Variants in SND1 observed in about 807,000 individuals in gnomAD.
SND1 encodes staphylococcal nuclease and tudor domain containing 1, also known as staphylococcal nuclease domain-containing protein 1.
In SND1, 38 loss-of-function variants were observed where a neutral mutation model predicts 121.7. The ratio of observed to expected loss-of-function variants is 0.31; its 90% CI spans 0.24 to 0.41. The LOEUF is 0.41. Ranked by LOEUF, SND1 falls within the 10% of genes least tolerant of loss-of-function variation. The pLI, the probability that SND1 is intolerant of heterozygous loss-of-function variation, is 1.00. For synonymous variants in SND1, 401 were observed against 447.4 expected, an observed-to-expected ratio of 0.90 and a Z score of 1.31; for missense variants, 868 against 1,184.6, an observed-to-expected ratio of 0.73 and a Z score of 3.92.
chr7:127,907,037 T>A (rs1346713391), intron 14 of SND1, among the ~76,000 whole-genome samples: 1 of 152,216 alleles, frequency 6.6e-6, no homozygotes, highest in Admixed American at 6.5e-5. Flanking sequence ...TAAACATAAA[T>A]GCCAATTAAA....
rs1203172286 is a variant in SND1, at chr7:127,757,249, C to G, written c.1152+35849C>G. ...GTAATGTCTGTGAGATTTATCTTTG[C>G]TGTTATTTATATCACTAGTGGTTCT... On this transcript the variant is annotated intron_variant, in intron 10 of 23. Transcript: ENST00000354725. Among the ~76,000 whole-genome samples, 4 of 152,234 alleles carry G rather than the reference C, an allele frequency of 2.6e-5. No homozygotes were observed. The East Asian group carries it at 7.7e-4, about 29-fold the overall frequency.
chr7:127,895,907 T>G (rs1186607477), intron 13 of SND1, among the ~76,000 whole-genome samples: 1 of 152,052 alleles, frequency 6.6e-6, no homozygotes, highest in East Asian at 1.9e-4. Flanking sequence ...CCTAGTTCCT[T>G]CTGACATAAC....
chr7:127,980,890 A>C (rs1563077648), intron 15 of SND1, among the ~76,000 whole-genome samples: 1 of 151,926 alleles, frequency 6.6e-6, no homozygotes, highest in South Asian at 2.1e-4. Flanking sequence ...AGTAGATTCA[A>C]ATTTTTCTCT....
chr7:127,971,069 T>C (rs903756128), intron 15 of SND1, among the ~76,000 whole-genome samples: 3 of 152,244 alleles, frequency 2.0e-5, no homozygotes, highest in Non-Finnish European at 4.4e-5. Context: ...CTCAGATTTA[T>C]TCATTCTTTC....
chr7:127,710,639 TAA>T (rs1005773338), intron 9 of SND1, among the ~76,000 whole-genome samples: 1 of 152,212 alleles, frequency 6.6e-6, no homozygotes, highest in Non-Finnish European at 1.5e-5. Flanking sequence ...ATAGGCTTAC[TAA>T]AGAATGTACC....
At chr7:127,680,703 G>C (rs769771849) in intron 1 of SND1, among the ~76,000 whole-genome samples, 1 of 150,728 alleles carries the variant, frequency 6.6e-6, no homozygotes, top group African/African-American at 2.4e-5. Flanking sequence ...AAACACACAC[G>C]CTCTACAGTT....
intron 3 of SND1, among the ~76,000 whole-genome samples, chr7:127,696,355 C>T (rs1004469677): frequency 6.6e-6 from 1 of 152,142 alleles, no homozygotes; most frequent in Non-Finnish European, 1.5e-5. Flanking sequence ...CTACCTGCTT[C>T]TTATTTGAAT....
intron 1 of SND1, among the ~76,000 whole-genome samples, chr7:127,680,155 G>A (rs1274159391): frequency 6.6e-6 from 1 of 152,162 alleles, no homozygotes; most frequent in Non-Finnish European, 1.5e-5. Context: ...TTTCAAAAGG[G>A]GAGGGAGTGT....
In SND1 at chr7:128,029,425, CGTT is replaced by C; in HGVS notation, c.1779+38371_1779+38373del. 6.2e-7 allele frequency: 1 copy of C among 1,614,148 alleles called. No individual in the cohort carries two copies. The highest frequency in any genetic ancestry group is 8.5e-7 in the Non-Finnish European group (1 of 1,180,032). On this transcript the variant is annotated intron_variant, in intron 16 of 23. Transcript: ENST00000354725. The surrounding 1 kb of genome is among the most constrained non-coding windows in gnomAD (Gnocchi z 4.2). Reference sequence around the variant, plus strand: ...ACGTGGGAAAAGTTCAAGGTGCCGTCGTTGAGGACAGAGATCCTTGGGTGGCGG... The same window carrying C: ...ACGTGGGAAAAGTTCAAGGTGCCGTCGAGGACAGAGATCCTTGGGTGGCGG...
chr7:127,663,052 G>A (rs1273317689), intron 1 of SND1, among the ~76,000 whole-genome samples: 2 of 151,738 alleles, frequency 1.3e-5, no homozygotes, highest in East Asian at 1.9e-4. Flanking sequence ...CACCACACCC[G>A]GCTAATAAAT....
intron 8 of SND1, among the ~76,000 whole-genome samples, chr7:127,706,266 T>TCC (rs1562985492): frequency 6.8e-3 from 5 of 738 alleles, no homozygotes; most frequent in Admixed American, 0.023. Flanking sequence ...CCCCCCCACC[T>TCC]TTTTTTTTTG....
intron 12 of SND1, among the ~76,000 whole-genome samples, chr7:127,867,036 A>G (rs905270952): frequency 1.3e-5 from 2 of 151,912 alleles, no homozygotes; most frequent in Admixed American, 1.3e-4. Flanking sequence ...GTTATTTTTA[A>G]TTGTCCTTCA....
Position 128,037,267 on chromosome 7 carries a change from A to G in SND1, c.1780-37235A>G, listed in dbSNP as rs530257312. Among the ~76,000 whole-genome samples the G allele has an allele frequency of 2.6e-5, 4 of 152,286 alleles. No individual in the cohort carries two copies. In the East Asian group the frequency reaches 7.7e-4, roughly 29 times the overall value. On this transcript the variant is annotated intron_variant, in intron 16 of 23. Coordinates refer to ENST00000354725, the MANE Select transcript of SND1 (RefSeq NM_014390.4). ...CCCCTGCCAGCTTCTGGTGGCTGTC[A>G]GCCTTCCTTGACTTACAGCTGTATC...
intron 1 of SND1, among the ~76,000 whole-genome samples, chr7:127,679,609 C>T (rs980921817): frequency 2.0e-5 from 3 of 152,140 alleles, no homozygotes; most frequent in African/African-American, 7.2e-5. Flanking sequence ...TCTGTCAGTC[C>T]CTGGGAACCA....
intron 14 of SND1, among the ~76,000 whole-genome samples, chr7:127,922,092 G>C (rs930145658): frequency 1.3e-5 from 2 of 149,098 alleles, no homozygotes; most frequent in African/African-American, 4.9e-5. Context: ...CCAGGCTTAA[G>C]CTATCCTCCC....
At chr7:127,708,616 T>C (rs576043440) in intron 9 of SND1, among the ~76,000 whole-genome samples, 1 of 152,250 alleles carries the variant, frequency 6.6e-6, no homozygotes, top group South Asian at 2.1e-4. Flanking sequence ...CCGAGAGTTT[T>C]CCATTGATAT....
chr7:127,772,711 T>A (rs76112071), intron 10 of SND1, among the ~76,000 whole-genome samples: 1 of 144,062 alleles, frequency 6.9e-6, no homozygotes, highest in African/African-American at 2.5e-5. Context: ...TTTTTTTTTT[T>A]AATTACCAAG....
chr7:127,904,405 C>T (rs1259259697), intron 13 of SND1: 2 of 171,086 alleles, frequency 1.2e-5, no homozygotes, highest in African/African-American at 4.7e-5. Context: ...GTTATTACTT[C>T]TGTTTCTTAG....
intron 16 of SND1, among the ~76,000 whole-genome samples, chr7:128,010,135 G>A (rs1803083695): frequency 6.6e-6 from 1 of 152,214 alleles, no homozygotes; most frequent in Non-Finnish European, 1.5e-5. Flanking sequence ...GCACGCTCCT[G>A]ACAGTCTTTG....
Sources: allele counts gnomAD v4.1 joint callset (sites outside exome capture counted in the v4.1 genomes callset), GRCh38; gene constraint gnomAD v4.1.1; non-coding constraint Gnocchi (gnomAD v3.1); transcripts MANE v1.5; gene names NCBI Gene and HGNC (gene_info 2026-07-23, HGNC 2026-07-21).